Variants in OSBPL1A observed in about 807,000 individuals in gnomAD.
The protein encoded by OSBPL1A is oxysterol binding protein like 1A, also known as oxysterol-binding protein-related protein 1.
OSBPL1A carries 80 observed loss-of-function variants against 137.1 expected under a neutral mutation model. The observed-to-expected ratio is 0.58, with a 90% CI of 0.49 to 0.70. The LOEUF is 0.70. Ranked by LOEUF, OSBPL1A falls within the 30% of genes least tolerant of loss-of-function variation. The probability of loss-of-function intolerance (pLI) is 0.00; values close to 1 mark genes in which losing one functional copy is unlikely to be tolerated. For missense variants in OSBPL1A, 970 were observed against 1,129.4 expected (o/e 0.86, Z 2.02); for synonymous variants, 365 against 389.7 (o/e 0.94, Z 0.75).
intron 14 of OSBPL1A, among the ~76,000 whole-genome samples, chr18:24,293,118 AAAAAAAAAAAG>A (rs1290479697): frequency 1.9e-3 from 281 of 146,172 alleles, no homozygotes; most frequent in African/African-American, 6.9e-3. Flanking sequence ...AAAAAAAAAA[AAAAAAAAAAAG>A]AAAAGAAAAG....
intron 17 of OSBPL1A, among the ~76,000 whole-genome samples, chr18:24,213,174 G>A (rs1322035552): frequency 6.6e-6 from 1 of 152,202 alleles, no homozygotes; most frequent in Non-Finnish European, 1.5e-5. Context: ...AAGCAGGTCA[G>A]TACAAGTCTC....
intron 14 of OSBPL1A, among the ~76,000 whole-genome samples, chr18:24,283,531 A>C (rs2090007787): frequency 6.6e-6 from 1 of 152,058 alleles, no homozygotes; most frequent in Non-Finnish European, 1.5e-5. Context: ...CATTGTGAAG[A>C]TTTATTCTCT....
At chr18:24,311,251 CTCATT>C (rs1377957015) in intron 13 of OSBPL1A, among the ~76,000 whole-genome samples, 3 of 152,202 alleles carry the variant, frequency 2.0e-5, no homozygotes, top group Non-Finnish European at 4.4e-5. Context: ...TTGCCGCCAA[CTCATT>C]TAATTTATAA....
At chr18:24,303,602 AAG>A in intron 14 of OSBPL1A, 33 bp downstream of exon 14, 1 of 1,546,272 alleles carries the variant, frequency 6.5e-7, no homozygotes. Context: ...CTATGTGTTA[AAG>A]AGTGATTGTA....
chr18:24,315,789 AT>A (rs2090717475), intron 11 of OSBPL1A, among the ~76,000 whole-genome samples: 4 of 75,776 alleles, frequency 5.3e-5, no homozygotes, highest in Admixed American at 4.6e-4. Flanking sequence ...AAAATATAAT[AT>A]AATATATAGT....
chr18:24,239,182 A>G, intron 16 of OSBPL1A, 38 bp downstream of exon 16: 1 of 1,603,166 alleles, frequency 6.2e-7, no homozygotes, highest in South Asian at 1.1e-5. Flanking sequence ...GTGGACTCTA[A>G]ATCACCAACA....
At chr18:24,248,387 A>T (rs983226142) in intron 15 of OSBPL1A, among the ~76,000 whole-genome samples, 1 of 152,152 alleles carries the variant, frequency 6.6e-6, no homozygotes, top group African/African-American at 2.4e-5. Flanking sequence ...ACATTTTCCC[A>T]TTGGTTATAG....
chr18:24,289,184 A>G (rs2090128674), intron 14 of OSBPL1A, among the ~76,000 whole-genome samples: 1 of 152,186 alleles, frequency 6.6e-6, no homozygotes, highest in African/African-American at 2.4e-5. Context: ...CTCCTGCTCT[A>G]CATCAATCCC....
chr18:24,196,267 T>C, intron 17 of OSBPL1A, 67 bp from the exon 18 acceptor site: 2 of 1,099,922 alleles, frequency 1.8e-6, no homozygotes, highest in Admixed American at 1.9e-5. Context: ...GAAGAACTGC[T>C]TTCATTCACA....
chr18:24,182,573 A>G (rs1324519928), intron 18 of OSBPL1A, among the ~76,000 whole-genome samples: 1 of 152,122 alleles, frequency 6.6e-6, no homozygotes, highest in Non-Finnish European at 1.5e-5. Context: ...AAATAATGCA[A>G]CCTGCAAAGA....
intron 11 of OSBPL1A, among the ~76,000 whole-genome samples, chr18:24,315,787 ATAT>A (rs1211170459): frequency 2.6e-5 from 2 of 75,680 alleles, no homozygotes; most frequent in African/African-American, 1.3e-4. Flanking sequence ...AAAAAATATA[ATAT>A]AATATATAGT....
At chr18:24,310,524 C>T (rs1268860352) in intron 13 of OSBPL1A, among the ~76,000 whole-genome samples, 3 of 148,250 alleles carry the variant, frequency 2.0e-5, no homozygotes, top group African/African-American at 7.5e-5. Flanking sequence ...ATGGCGTGAA[C>T]CCTGGAGGTG....
At chr18:24,268,121 ATTTTTT>A (rs1248591410) in intron 15 of OSBPL1A, among the ~76,000 whole-genome samples, 1 of 151,348 alleles carries the variant, frequency 6.6e-6, no homozygotes, top group Non-Finnish European at 1.5e-5. Flanking sequence ...TTTGTTGTTT[ATTTTTT>A]ATTTTTGAGA....
chr18:24,241,191 A>G (rs2088678179), intron 15 of OSBPL1A, among the ~76,000 whole-genome samples: 1 of 152,234 alleles, frequency 6.6e-6, no homozygotes, highest in African/African-American at 2.4e-5. Flanking sequence ...AAACCTAGGC[A>G]ATACCATTCA....
intron 2 of OSBPL1A, 128 bp from the exon 3 acceptor site, chr18:24,368,500 G>T (rs1905350640): frequency 1.5e-6 from 1 of 681,888 alleles, no homozygotes; most frequent in East Asian, 2.7e-5. Context: ...TGAGAGGCAA[G>T]ATATGTGACC....
At chr18:24,318,881 G>A (rs1599660385) in intron 7 of OSBPL1A, 72 bp from the exon 8 acceptor site, 3 of 1,195,870 alleles carry the variant, frequency 2.5e-6, no homozygotes, top group South Asian at 2.6e-5. Context: ...TGTAACTGCA[G>A]CATCTAATAG....
intron 15 of OSBPL1A, among the ~76,000 whole-genome samples, chr18:24,261,476 A>C (rs2089444732): frequency 6.6e-6 from 1 of 152,230 alleles, no homozygotes. Context: ...GGGCATAGTA[A>C]AAAAACCACT....
chr18:24,295,618 C>T (rs2090275465), intron 14 of OSBPL1A, among the ~76,000 whole-genome samples: 1 of 152,178 alleles, frequency 6.6e-6, no homozygotes. Flanking sequence ...CATTCTTATA[C>T]ATGTGGCTTG....
chr18:24,230,856 C>G (rs771672743), intron 16 of OSBPL1A, among the ~76,000 whole-genome samples: 2 of 152,110 alleles, frequency 1.3e-5, no homozygotes, highest in Non-Finnish European at 2.9e-5. Flanking sequence ...TGAGTAATGA[C>G]GGGAAATGGA....
Sources: allele counts gnomAD v4.1 joint callset (sites outside exome capture counted in the v4.1 genomes callset), GRCh38; gene constraint gnomAD v4.1.1; transcripts MANE v1.5; gene names NCBI Gene and HGNC (gene_info 2026-07-23, HGNC 2026-07-21).